Variants in ARHGAP6 observed in about 807,000 individuals in gnomAD.
The protein encoded by ARHGAP6 is Rho GTPase activating protein 6, also known as rho GTPase-activating protein 6.
ARHGAP6 carries 16 observed loss-of-function variants against 55.7 expected under a neutral mutation model. That is an observed-to-expected ratio of 0.29 (90% CI 0.19 to 0.44). ARHGAP6 has a LOEUF of 0.44. Among genes scored for constraint, ARHGAP6 ranks in the 20% least tolerant of loss-of-function variants. The pLI, the probability that ARHGAP6 is intolerant of heterozygous loss-of-function variation, is 1.00. For missense variants in ARHGAP6, 698 were observed against 808.9 expected (o/e 0.86, Z 1.66); for synonymous variants, 382 against 360.9 (o/e 1.06, Z -0.66).
At chrX:11,375,873 G>T (rs2049194693) in intron 1 of ARHGAP6, among the ~76,000 whole-genome samples, 1 of 111,552 alleles carries the variant, frequency 9.0e-6, no homozygotes, top group Non-Finnish European at 1.9e-5. Flanking sequence ...CTCAAAGGAA[G>T]GTGATAAGAA....
At chrX:11,359,878 A>C (rs1299768631) in intron 1 of ARHGAP6, among the ~76,000 whole-genome samples, 1 of 111,953 alleles carries the variant, frequency 8.9e-6, no homozygotes, top group Admixed American at 9.5e-5. Context: ...CTACAAACAC[A>C]TCTACGCAAA....
intron 2 of ARHGAP6, among the ~76,000 whole-genome samples, chrX:11,249,189 T>C (rs1291202690): frequency 9.0e-6 from 1 of 111,624 alleles, no homozygotes; most frequent in East Asian, 2.8e-4. Flanking sequence ...CTAGACATTG[T>C]ATGTTCTCAC....
chrX:11,605,788 A>C (rs953738805), intron 1 of ARHGAP6, among the ~76,000 whole-genome samples: 2 of 110,692 alleles, frequency 1.8e-5, no homozygotes, highest in African/African-American at 6.6e-5. Context: ...ATCAGCCCCC[A>C]AAAAAGATGG....
At chrX:11,267,718 A>G (rs910886691) in intron 1 of ARHGAP6, among the ~76,000 whole-genome samples, 1 of 112,595 alleles carries the variant, frequency 8.9e-6, no homozygotes. Flanking sequence ...GAGAGACAAC[A>G]TCTTGTGAAA....
Position 11,186,410 on chromosome X carries a change from T to C in ARHGAP6, c.1099A>G (p.Ile367Val), listed in dbSNP as rs142410918. 1.7e-6 allele frequency: 2 copies of C among 1,208,842 alleles called. No individual in the cohort carries two copies. Among genetic ancestry groups the C allele is most frequent in the African/African-American group, 3.5e-5 (2 of 56,980 alleles). ...RRRGAMSVDS[I>V]TDLDDNQSRL... The stretch of plus-strand genomic sequence containing the variant: ...GACTGATTGTCATCAAGATCGGTGA[T>C]AGAATCCACTGACATGGCACCCTGC... Residue 367 changes from isoleucine (I) to valine (V), a missense_variant, in exon 5 of 13, where the codon ATC becomes GTC. Coordinates refer to ENST00000337414, the MANE Select transcript of ARHGAP6 (RefSeq NM_013427.3).
At chrX:11,198,586 G>A (rs771582776) in intron 2 of ARHGAP6, among the ~76,000 whole-genome samples, 3 of 112,073 alleles carry the variant, frequency 2.7e-5, no homozygotes, top group Non-Finnish European at 5.6e-5. Flanking sequence ...AGTTGACCCA[G>A]CAGAATAACT....
At chrX:11,434,736 T>C (rs2049971367) in intron 1 of ARHGAP6, among the ~76,000 whole-genome samples, 1 of 111,276 alleles carries the variant, frequency 9.0e-6, no homozygotes, top group African/African-American at 3.3e-5. Flanking sequence ...TAAGAATTCG[T>C]TGTCAGGAGT....
At chrX:11,564,487 TGG>T (rs2051421641) in intron 1 of ARHGAP6, among the ~76,000 whole-genome samples, 1 of 111,084 alleles carries the variant, frequency 9.0e-6, no homozygotes, top group East Asian at 2.8e-4. Context: ...AATAGAGTTC[TGG>T]TTTTATAATA....
intron 12 of ARHGAP6, 129 bp from the exon 13 acceptor site, chrX:11,139,659 T>TA: frequency 1.4e-6 from 1 of 691,752 alleles, no homozygotes; most frequent in Non-Finnish European, 2.0e-6. Flanking sequence ...AACAGCACAG[T>TA]ATGCTCTTAG....
intron 1 of ARHGAP6, among the ~76,000 whole-genome samples, chrX:11,308,367 A>G (rs1230065135): frequency 3.6e-5 from 4 of 111,617 alleles, no homozygotes; most frequent in African/African-American, 1.3e-4. Context: ...TGGAATCATT[A>G]AAAAAAATAA....
chrX:11,562,818 A>G (rs1438474727), intron 1 of ARHGAP6, among the ~76,000 whole-genome samples: 2 of 112,148 alleles, frequency 1.8e-5, no homozygotes, highest in Non-Finnish European at 3.8e-5. Flanking sequence ...GGCTATTTTG[A>G]GAATAAGCAA....
intron 1 of ARHGAP6, among the ~76,000 whole-genome samples, chrX:11,509,365 A>G (rs766858573): frequency 2.0e-4 from 22 of 112,125 alleles, no homozygotes; most frequent in Non-Finnish European, 3.4e-4. Context: ...TTTGGGGCCC[A>G]ATATACAGCC....
At chrX:11,493,688 G>C (rs2050594101) in intron 1 of ARHGAP6, among the ~76,000 whole-genome samples, 1 of 111,283 alleles carries the variant, frequency 9.0e-6, no homozygotes, top group Non-Finnish European at 1.9e-5. Context: ...AGAGCAAAAA[G>C]AGTTGCTCAA....
At chrX:11,632,855 C>T (rs1453578818) in intron 1 of ARHGAP6, among the ~76,000 whole-genome samples, 1 of 112,182 alleles carries the variant, frequency 8.9e-6, no homozygotes, top group Non-Finnish European at 1.9e-5. Context: ...CATCCCTTGG[C>T]TTTTGTGGGC....
intron 1 of ARHGAP6, among the ~76,000 whole-genome samples, chrX:11,653,244 C>A (rs1212411157): frequency 1.8e-5 from 2 of 112,355 alleles, no homozygotes; most frequent in Non-Finnish European, 3.8e-5. Context: ...ATGAAGGCAG[C>A]CCCTTGGCCT....
chrX:11,638,467 C>G, intron 1 of ARHGAP6, among the ~76,000 whole-genome samples: 1 of 111,986 alleles, frequency 8.9e-6, no homozygotes, highest in East Asian at 2.8e-4. Flanking sequence ...CTAATTTGAA[C>G]TGTTTAGACA....
At chrX:11,580,743 ATATAT>A (rs1352532768) in intron 1 of ARHGAP6, among the ~76,000 whole-genome samples, 15 of 112,437 alleles carry the variant, frequency 1.3e-4, no homozygotes, top group African/African-American at 4.8e-4. Flanking sequence ...AACAGTGAGA[ATATAT>A]TATATTTTAC....
intron 1 of ARHGAP6, among the ~76,000 whole-genome samples, chrX:11,627,318 A>G (rs1259845729): frequency 9.0e-6 from 1 of 111,573 alleles, no homozygotes; most frequent in Non-Finnish European, 1.9e-5. Flanking sequence ...CATAGAACTT[A>G]TGTAAATGAA....
At chrX:11,522,284 G>A (rs1314139799) in intron 1 of ARHGAP6, among the ~76,000 whole-genome samples, 1 of 110,934 alleles carries the variant, frequency 9.0e-6, no homozygotes, top group African/African-American at 3.3e-5. Flanking sequence ...GAGAAAGCAG[G>A]AAAGATCTAA....
Sources: allele counts gnomAD v4.1 joint callset (sites outside exome capture counted in the v4.1 genomes callset), GRCh38; gene constraint gnomAD v4.1.1; transcripts MANE v1.5; gene names NCBI Gene and HGNC (gene_info 2026-07-23, HGNC 2026-07-21).